Variants in DPYSL2 observed in about 807,000 individuals in gnomAD.
The protein encoded by DPYSL2 is dihydropyrimidinase-related protein 2.
In DPYSL2, 13 loss-of-function variants were observed where a neutral mutation model predicts 69.9. The observed-to-expected ratio is 0.19, with a 90% confidence interval of 0.12 to 0.30. The LOEUF (loss-of-function observed/expected upper bound fraction) is 0.30. Ranked by LOEUF, DPYSL2 falls within the 10% of genes least tolerant of loss-of-function variation. The pLI, the probability that DPYSL2 is intolerant of heterozygous loss-of-function variation, is 1.00. For missense variants in DPYSL2, 587 were observed against 918.9 expected (o/e 0.64, Z 4.67); for synonymous variants, 326 against 359.1 (o/e 0.91, Z 1.04).
rs1032783410 is a variant in DPYSL2 at position 26,644,736 on chromosome 8, C to T, written c.1425+645C>T. Among the ~76,000 whole-genome samples, 1 of 152,114 alleles carries T rather than the reference C, an allele frequency of 6.6e-6. No individual in the cohort carries two copies. The highest frequency in any genetic ancestry group is 6.5e-5 in the Admixed American group (1 of 15,282). ...CCAGGTGACTTACTCAGTTAATCCT[C>T]GTCTACTCTTGGAAATGGGCTCAAT... is the stretch of plus-strand genomic sequence containing the variant. On this transcript the variant is annotated intron_variant, in intron 10 of 13. Transcript: ENST00000521913. The surrounding 1 kb of genome is among the most constrained non-coding windows in gnomAD (Gnocchi z 4.5).
chr8:26,634,428 CTT>C (rs55746168), intron 7 of DPYSL2, among the ~76,000 whole-genome samples: 8 of 91,168 alleles, frequency 8.8e-5, no homozygotes, highest in African/African-American at 1.5e-4. Context: ...CCATGCCCAG[CTT>C]TTTTTTTTTT....
At chr8:26,632,836 G>C (rs1466365723) in intron 7 of DPYSL2, among the ~76,000 whole-genome samples, 5 of 152,204 alleles carry the variant, frequency 3.3e-5, no homozygotes, top group Non-Finnish European at 7.3e-5. Context: ...TTCTCCTTCA[G>C]CTGTCTTAGG....
intron 1 of DPYSL2, among the ~76,000 whole-genome samples, chr8:26,556,117 C>G (rs866465702): frequency 9.3e-4 from 12 of 12,964 alleles, no homozygotes; most frequent in Non-Finnish European, 1.2e-3. Context: ...TATATATATA[C>G]TATATATATT....
At position 26,599,901 on chromosome 8, in the gene DPYSL2, A is replaced by T. The variant is rs536267118; in HGVS notation, c.628+15918A>T. Among the ~76,000 whole-genome samples the T allele has an allele frequency of 1.1e-4, 16 of 152,228 alleles. No homozygotes were observed. In the South Asian group the frequency reaches 3.3e-3, roughly 32 times the overall value. On this transcript the variant is annotated intron_variant, in intron 3 of 13. Transcript: ENST00000521913. ...ACCCCAAAAAGAAACCCTACCAATT[A>T]TCAGCTGCTCCCCATTCCCCACCTC...
rs959835422 is a variant in DPYSL2, at chr8:26,626,522, C to T, written c.794-95C>T. 51 of 1,010,190 alleles carry T rather than the reference C, an allele frequency of 5.0e-5. No homozygotes were observed. The highest frequency in any genetic ancestry group is 2.2e-4 in the Middle Eastern group (1 of 4,568). The allele number at this position is 1,010,190 out of a possible 1,614,324, so 62.6% of individuals were successfully genotyped here. On this transcript the variant is annotated intron_variant, in intron 4 of 13. Coordinates refer to ENST00000521913, the MANE Select transcript of DPYSL2 (RefSeq NM_001197293.3). The surrounding 1 kb of genome is among the most constrained non-coding windows in gnomAD (Gnocchi z 4.3). Reference sequence around the variant, plus strand: ...ACACACACACACACACACACACACACGTACACACACAGACAGTATTATCAC... The same window carrying T: ...ACACACACACACACACACACACACATGTACACACACAGACAGTATTATCAC...
In DPYSL2 at chr8:26,605,656, A is replaced by T. The variant is rs1273110417; in HGVS notation, c.629-18487A>T. The stretch of plus-strand genomic sequence containing the variant: ...TATGAAGATGACTGACTTAAAAATA[A>T]TGTATTAAAAATTAATAGCTTCCCT... On this transcript the variant is annotated intron_variant, in intron 3 of 13. Coordinates refer to ENST00000521913, the MANE Select transcript of DPYSL2 (RefSeq NM_001197293.3). The surrounding 1 kb of genome is among the most constrained non-coding windows in gnomAD (Gnocchi z 4.1). 6.6e-6 allele frequency among the ~76,000 whole-genome samples: 1 copy of T among 152,250 alleles called. No homozygotes were observed. Among genetic ancestry groups the T allele is most frequent in the East Asian group, 1.9e-4 (1 of 5,206 alleles).
Position 26,654,142 on chromosome 8 carries a change from A to G in DPYSL2, c.1942+745A>G, listed in dbSNP as rs1803334966. Among the ~76,000 whole-genome samples, 1 of 152,166 alleles carries G rather than the reference A, an allele frequency of 6.6e-6. No individual in the cohort carries two copies. Among genetic ancestry groups the G allele is most frequent in the African/African-American group, 2.4e-5 (1 of 41,438 alleles). On this transcript the variant is annotated intron_variant, in intron 13 of 13. Coordinates refer to ENST00000521913, the MANE Select transcript of DPYSL2 (RefSeq NM_001197293.3). This position sits in a 1 kb window ranked among gnomAD's most constrained non-coding sequence, Gnocchi z 5.0. Reference sequence around the variant, plus strand: ...CAGTCTCCTCACCTGTATAATGGCAATAATAGTAGTTGCTCCCCCGTGAGG... The same window carrying G: ...CAGTCTCCTCACCTGTATAATGGCAGTAATAGTAGTTGCTCCCCCGTGAGG...
chr8:26,630,966 A>G (rs1056628941), intron 7 of DPYSL2, among the ~76,000 whole-genome samples: 17 of 152,186 alleles, frequency 1.1e-4, no homozygotes, highest in African/African-American at 3.9e-4. Flanking sequence ...GGAGGTGAGA[A>G]GATGTCCTCT....
At chr8:26,579,645 G>T (rs1801441236) in intron 1 of DPYSL2, among the ~76,000 whole-genome samples, 1 of 152,204 alleles carries the variant, frequency 6.6e-6, no homozygotes. Context: ...ATGCATAGGG[G>T]AGGGGGCGTG....
chr8:26,539,471 A>G (rs923288379), intron 1 of DPYSL2, among the ~76,000 whole-genome samples: 1 of 152,242 alleles, frequency 6.6e-6, no homozygotes, highest in African/African-American at 2.4e-5. Flanking sequence ...AATAGTGCCT[A>G]AGTTTTCCAC....
chr8:26,515,078 C>T (rs1419393827), intron 1 of DPYSL2, among the ~76,000 whole-genome samples: 2 of 152,192 alleles, frequency 1.3e-5, no homozygotes, highest in Non-Finnish European at 2.9e-5. Context: ...TCAGAGCGTG[C>T]GGTGGAGGCT....
chr8:26,648,739 T>C lies in DPYSL2; in HGVS notation c.1596+939T>C, dbSNP rs1803222617. Among the ~76,000 whole-genome samples, 1 of 152,206 alleles carries C rather than the reference T, an allele frequency of 6.6e-6. No homozygotes were observed. The highest frequency in any genetic ancestry group is 1.5e-5 in the Non-Finnish European group (1 of 68,040). On this transcript the variant is annotated intron_variant, in intron 11 of 13. Coordinates refer to ENST00000521913, the MANE Select transcript of DPYSL2 (RefSeq NM_001197293.3). This position sits in a 1 kb window ranked among gnomAD's most constrained non-coding sequence, Gnocchi z 4.3. The stretch of plus-strand genomic sequence containing the variant: ...ACAGCTTAGGGCAGGTTTCTGGCAT[T>C]TCTCCGGGACAACCCTGGGACTTTG...
chr8:26,577,794 C>G (rs946589617), intron 1 of DPYSL2: 1 of 992,278 alleles, frequency 1.0e-6, no homozygotes, highest in Non-Finnish European at 1.2e-6. Flanking sequence ...CGCTCTCGCG[C>G]CGCGCCCCGC....
intron 1 of DPYSL2, among the ~76,000 whole-genome samples, chr8:26,566,624 T>C (rs547907132): frequency 4.9e-4 from 75 of 152,038 alleles, no homozygotes; most frequent in Non-Finnish European, 8.7e-4. Context: ...GAGTAGATGA[T>C]GAGAAGAAAG....
intron 8 of DPYSL2, chr8:26,637,725 C>G (rs1802952180): frequency 6.6e-6 from 1 of 152,222 alleles, no homozygotes; most frequent in African/African-American, 2.4e-5. Flanking sequence ...GATCAAACCC[C>G]AGCTCCACTG....
At chr8:26,530,986 G>T (rs144408944) in intron 1 of DPYSL2, among the ~76,000 whole-genome samples, 1 of 151,778 alleles carries the variant, frequency 6.6e-6, no homozygotes, top group African/African-American at 2.4e-5. Flanking sequence ...TTGAGCCGAG[G>T]AGTTTGAGGC....
chr8:26,567,968 C>T (rs887405002), intron 1 of DPYSL2, among the ~76,000 whole-genome samples: 5 of 152,094 alleles, frequency 3.3e-5, no homozygotes, highest in African/African-American at 7.2e-5. Context: ...TCCTGAGCCC[C>T]GAGGGACATA....
intron 3 of DPYSL2, among the ~76,000 whole-genome samples, chr8:26,594,002 G>T (rs1040074561): frequency 1.3e-5 from 2 of 152,202 alleles, no homozygotes; most frequent in African/African-American, 4.8e-5. Context: ...CGCTCCCACA[G>T]CTGGGCACGG....
chr8:26,594,073 C>G (rs769261896), intron 3 of DPYSL2, among the ~76,000 whole-genome samples: 1 of 152,134 alleles, frequency 6.6e-6, no homozygotes, highest in Non-Finnish European at 1.5e-5. Flanking sequence ...AGGATGGGAG[C>G]GCTCCAAGAA....
Sources: gnomAD v4.1 joint callset for allele counts (sites outside exome capture counted in the v4.1 genomes callset) on GRCh38, gnomAD v4.1.1 for gene constraint, Gnocchi (gnomAD v3.1) non-coding constraint, MANE v1.5 for transcripts, NCBI Gene and HGNC (gene_info 2026-07-23, HGNC 2026-07-21) for gene names.